The following GK5 variants were observed in gnomAD, a reference collection of about 807,000 sequenced individuals.
GK5 encodes glycerol kinase 5, also known as ATP:glycerol 3-phosphotransferase 5.
Under a neutral mutation model 77.3 loss-of-function variants are expected in GK5, and 39 were observed. That is an observed-to-expected ratio of 0.50 (90% confidence interval 0.39 to 0.66). The LOEUF is 0.66. GK5 is among the 30% of genes least tolerant of loss of function. GK5 has a pLI of 0.00. For missense variants in GK5, 487 were observed against 633.8 expected (o/e 0.77, Z 2.49); for synonymous variants, 211 against 208.0 (o/e 1.01, Z -0.13).
chr3:142,196,173 T>G (rs749841617), intron 5 of GK5, among the ~76,000 whole-genome samples: 2 of 152,172 alleles, frequency 1.3e-5, no homozygotes, highest in South Asian at 2.1e-4. Flanking sequence ...AGTATTAATA[T>G]CCATAATTTC....
At chr3:142,217,342 TAAAA>T (rs1428708089) in intron 1 of GK5, among the ~76,000 whole-genome samples, 3 of 152,040 alleles carry the variant, frequency 2.0e-5, no homozygotes, top group South Asian at 2.1e-4. Flanking sequence ...ATAAAAGACA[TAAAA>T]AAGAAAAGTT....
chr3:142,174,909 T>C (rs922376425), intron 12 of GK5, among the ~76,000 whole-genome samples: 3 of 152,074 alleles, frequency 2.0e-5, no homozygotes, highest in African/African-American at 7.2e-5. Context: ...TAGAGGAAGG[T>C]TGTATGTGAT....
chr3:142,190,441 C>G (rs2107781513), intron 5 of GK5, among the ~76,000 whole-genome samples: 1 of 152,206 alleles, frequency 6.6e-6, no homozygotes, highest in South Asian at 2.1e-4. Context: ...GGCAATGGCC[C>G]ATATTTGGGC....
intron 4 of GK5, among the ~76,000 whole-genome samples, chr3:142,202,472 G>T (rs955484981): frequency 6.6e-6 from 1 of 152,220 alleles, no homozygotes; most frequent in African/African-American, 2.4e-5. Flanking sequence ...AGGGATGATT[G>T]CAAAGTGGGG....
intron 12 of GK5, chr3:142,173,199 TAAAA>T (rs542376454): frequency 1.9e-4 from 73 of 382,644 alleles, no homozygotes; most frequent in South Asian, 3.0e-4. Context: ...AGACAGGGTC[TAAAA>T]AAAAAAAAAA....
intron 1 of GK5, among the ~76,000 whole-genome samples, chr3:142,216,158 A>G (rs1325737191): frequency 1.3e-5 from 2 of 152,128 alleles, no homozygotes; most frequent in Non-Finnish European, 2.9e-5. Flanking sequence ...GGGGAAGTAG[A>G]TAAGAATTCA....
At chr3:142,221,692 C>T (rs1023683489) in intron 1 of GK5, among the ~76,000 whole-genome samples, 1 of 152,068 alleles carries the variant, frequency 6.6e-6, no homozygotes, top group African/African-American at 2.4e-5. Context: ...CACTGGGGAA[C>T]ATGATAAATA....
intron 15 of GK5, among the ~76,000 whole-genome samples, chr3:142,169,085 C>T (rs1170317680): frequency 6.6e-6 from 1 of 152,202 alleles, no homozygotes; most frequent in African/African-American, 2.4e-5. Flanking sequence ...TGTCTCCTCC[C>T]ACCAGGAATC....
intron 5 of GK5, among the ~76,000 whole-genome samples, chr3:142,196,862 T>C (rs982564478): frequency 8.5e-5 from 13 of 152,174 alleles, no homozygotes; most frequent in African/African-American, 3.1e-4. Context: ...TCTACTTCCT[T>C]GTTAATCTTC....
chr3:142,219,533 C>T (rs923270689), intron 1 of GK5, among the ~76,000 whole-genome samples: 6 of 152,206 alleles, frequency 3.9e-5, no homozygotes, highest in South Asian at 4.2e-4. Flanking sequence ...GACTGTGTTA[C>T]GGAAAACAGA....
intron 1 of GK5, among the ~76,000 whole-genome samples, chr3:142,219,804 C>T (rs954679869): frequency 1.3e-5 from 2 of 152,120 alleles, no homozygotes; most frequent in Admixed American, 1.3e-4. Flanking sequence ...GGCAAAACCC[C>T]ATCTCTACAA....
At chr3:142,217,980 G>A (rs1198186364) in intron 1 of GK5, among the ~76,000 whole-genome samples, 1 of 151,662 alleles carries the variant, frequency 6.6e-6, no homozygotes, top group Non-Finnish European at 1.5e-5. Context: ...TAAAGTCAGA[G>A]AGGAAAAAAA....
In GK5 at chr3:142,225,433, G is replaced by A. The variant is rs1420723052; in HGVS notation, c.23C>T (p.Pro8Leu). MSGLLTD[P>L]EQRAQEPRYP... is the part of the protein sequence containing the mutation. ...CCGCGGCTCCTGCGCTCTCTGCTCC[G>A]GGTCCGTGAGCAGCCCCGACATCCC... The change falls in exon 1 of 16, where the codon CCG becomes CTG. Residue 8 changes from proline (P) to leucine (L), a missense_variant. This residue lies in a region of GK5 where 97 missense variants were observed against 86.9 expected (regional missense o/e 1.12). Coordinates refer to ENST00000392993, the MANE Select transcript of GK5 (RefSeq NM_001039547.3). 16 of 1,602,968 alleles carry A rather than the reference G, an allele frequency of 1.0e-5. No individual in the cohort carries two copies. The highest frequency in any genetic ancestry group is 1.4e-5 in the Non-Finnish European group (16 of 1,177,736).
At position 142,164,621 on chromosome 3, in the gene GK5, G is replaced by A. The variant is rs1198444962; in HGVS notation, c.*1001C>T. On this transcript the variant is annotated 3_prime_UTR_variant, in exon 16 of 16. Coordinates refer to ENST00000392993, the MANE Select transcript of GK5 (RefSeq NM_001039547.3). ...GCTGTCCCCCACACATACTCACAGG[G>A]ATGAGTAGACTGAACAAACATCAAA... 1.3e-5 allele frequency: 2 copies of A among 152,176 alleles called. No homozygotes were observed. The highest frequency in any genetic ancestry group is 2.9e-5 in the Non-Finnish European group (2 of 68,030). The allele number at this position is 152,176 out of a possible 1,614,324, so 9.4% of individuals were successfully genotyped here.
At position 142,224,343 on chromosome 3, in the gene GK5, C is replaced by T. The variant is rs908833805; in HGVS notation, c.147+966G>A. Among the ~76,000 whole-genome samples, 10 of 151,378 alleles carry T rather than the reference C, an allele frequency of 6.6e-5. No individual in the cohort carries two copies. In the East Asian group the frequency reaches 2.0e-3, roughly 30 times the overall value. On this transcript the variant is annotated intron_variant, in intron 1 of 15. Coordinates refer to ENST00000392993, the MANE Select transcript of GK5 (RefSeq NM_001039547.3). Reference sequence around the variant, plus strand: ...GAAGGATCACTTGAGCCCAGGAGGTCAAAGCTGCAGTGAGCCGAGATCACA... The same window carrying T: ...GAAGGATCACTTGAGCCCAGGAGGTTAAAGCTGCAGTGAGCCGAGATCACA...
rs1340731342 is a variant in GK5, at chr3:142,161,742, G to A, written c.*3880C>T. On this transcript the variant is annotated 3_prime_UTR_variant, in exon 16 of 16. Coordinates refer to ENST00000392993, the MANE Select transcript of GK5 (RefSeq NM_001039547.3). ...TACTCCAGTAATTAAGGCTGCAGAG[G>A]TGGGGCTGGGTGGATGAAAACATCA... 2.6e-5 allele frequency: 4 copies of A among 152,286 alleles called. No individual in the cohort carries two copies. The highest frequency in any genetic ancestry group is 9.6e-5 in the African/African-American group (4 of 41,466). 9.4% of individuals were successfully genotyped at this position (152,286 alleles called of 1,614,324 possible).
chr3:142,170,376 C>A lies in GK5; in HGVS notation c.1390G>T (p.Asp464Tyr), dbSNP rs1170599621. The change falls in exon 15 of 16, where the codon GAC becomes TAC. Residue 464 changes from aspartate (D) to tyrosine (Y), a missense_variant. Asp to Tyr is a radical substitution (Grantham distance 160). This residue lies in a region of GK5 where 65 missense variants were observed against 89.9 expected (regional missense o/e 0.72). Coordinates refer to ENST00000392993, the MANE Select transcript of GK5 (RefSeq NM_001039547.3). ...GCACCCAGGCATGACATGTCAATGT[C>A]GGCAGGTCTGTCTATATTCTCATTA... ...LINENIDRPADIDMSCLGAAS... is the reference protein window; with the variant it reads ...LINENIDRPAYIDMSCLGAAS... 3.1e-6 allele frequency: 5 copies of A among 1,613,972 alleles called. No homozygotes were observed. Among genetic ancestry groups the A allele is most frequent in the East Asian group, 2.2e-5 (1 of 44,872 alleles).
chr3:142,169,666 GTTC>G (rs2063512132), intron 15 of GK5, among the ~76,000 whole-genome samples: 1 of 128,580 alleles, frequency 7.8e-6, no homozygotes, highest in Admixed American at 7.7e-5. Flanking sequence ...CCACCTTACT[GTTC>G]TTTTTTTTTT....
chr3:142,185,129 C>T, intron 9 of GK5: 1 of 985,228 alleles, frequency 1.0e-6, no homozygotes, highest in African/African-American at 1.7e-5. Flanking sequence ...AAATCAAAAA[C>T]AGGCTTGGCA....
Sources: gnomAD v4.1 joint callset for allele counts (sites outside exome capture counted in the v4.1 genomes callset) on GRCh38, gnomAD v4.1.1 for gene constraint, gnomAD v4.1.1 regional missense constraint, MANE v1.5 for transcripts, NCBI Gene and HGNC (gene_info 2026-07-23, HGNC 2026-07-21) for gene names.